The following PRDM11 variants were observed in gnomAD, a reference collection of about 807,000 sequenced individuals.
PRDM11 encodes the protein PR domain-containing protein 11.
In PRDM11, 20 loss-of-function variants were observed where a neutral mutation model predicts 97.8. The ratio of observed to expected loss-of-function variants is 0.20; its 90% CI spans 0.14 to 0.30. PRDM11 has a LOEUF of 0.30. Ranked by LOEUF, PRDM11 falls within the 10% of genes least tolerant of loss-of-function variation. The pLI is 1.00. For synonymous variants in PRDM11, 599 were observed against 637.7 expected (o/e 0.94, Z 0.91); for missense variants, 1,139 against 1,555.2 (o/e 0.73, Z 4.50).
At chr11:45,164,391 G>T (rs953451172) in intron 1 of PRDM11, among the ~76,000 whole-genome samples, 1 of 152,268 alleles carries the variant, frequency 6.6e-6, no homozygotes, top group Non-Finnish European at 1.5e-5. Flanking sequence ...CCCTCCTGGG[G>T]CTGTTGGCTG....
chr11:45,217,200 T>A (rs572127939), intron 5 of PRDM11, among the ~76,000 whole-genome samples: 188 of 152,300 alleles, frequency 1.2e-3, no homozygotes, highest in African/African-American at 4.2e-3. Context: ...TCAGAAGAAA[T>A]CTCAGCTATG....
intron 4 of PRDM11, among the ~76,000 whole-genome samples, chr11:45,194,449 C>CGGG (rs1031638858): frequency 6.6e-6 from 1 of 152,092 alleles, no homozygotes; most frequent in African/African-American, 2.4e-5. Flanking sequence ...CTCCAAACCC[C>CGGG]AGTGGGTCCT....
intron 5 of PRDM11, chr11:45,214,086 C>T (rs906469735): frequency 4.5e-6 from 1 of 223,072 alleles, no homozygotes; most frequent in South Asian, 7.3e-5. Flanking sequence ...TGGAGGGCAA[C>T]CTCTTCCCTG....
chr11:45,206,480 G>C (rs1425969062), intron 5 of PRDM11, among the ~76,000 whole-genome samples: 2 of 152,194 alleles, frequency 1.3e-5, no homozygotes, highest in African/African-American at 4.8e-5. Flanking sequence ...GCAAGCAGGG[G>C]AGACCGTGCG....
At chr11:45,188,140 A>C (rs1414766680) in intron 4 of PRDM11, among the ~76,000 whole-genome samples, 1 of 152,112 alleles carries the variant, frequency 6.6e-6, no homozygotes, top group Non-Finnish European at 1.5e-5. Flanking sequence ...CCCTCAGTAT[A>C]TGCACTCTAC....
At chr11:45,095,855 G>T (rs202172555) in exon 1 of PRDM11, 1 of 780,090 alleles carries the variant, frequency 1.3e-6, no homozygotes, top group Admixed American at 1.7e-5. Flanking sequence ...GTGGAGTGCC[G>T]GGCCTGCCTG....
At chr11:45,192,009 C>T (rs1258718011) in intron 4 of PRDM11, among the ~76,000 whole-genome samples, 2 of 152,030 alleles carry the variant, frequency 1.3e-5, no homozygotes, top group African/African-American at 4.8e-5. Context: ...ACCTCCCACC[C>T]CCGCAACAGG....
intron 1 of PRDM11, among the ~76,000 whole-genome samples, chr11:45,141,086 C>CT (rs1312653829): frequency 1.3e-5 from 2 of 152,228 alleles, no homozygotes; most frequent in African/African-American, 4.8e-5. Context: ...AAGGCAAGCT[C>CT]TACCGCTGGC....
At position 45,161,698 on chromosome 11, in the gene PRDM11, G is replaced by A. The variant is rs1012441743; in HGVS notation, c.-7+14821G>A. On this transcript the variant is annotated intron_variant, in intron 1 of 7. Coordinates refer to ENST00000683152, the MANE Select transcript of PRDM11 (RefSeq NM_001384648.1). ...AGGTCAGGGTTGGCCTCGCAGCCCCGGGGGCAAATTGGTGCAGCTGATGAT... is the reference window on the plus strand; with the variant it reads ...AGGTCAGGGTTGGCCTCGCAGCCCCAGGGGCAAATTGGTGCAGCTGATGAT... 8.5e-5 allele frequency among the ~76,000 whole-genome samples: 13 copies of A among 152,362 alleles called. No individual in the cohort carries two copies. In the East Asian group the frequency reaches 1.9e-3, roughly 23 times the overall value.
rs1375249114 is a variant in PRDM11 at position 45,226,116 on chromosome 11, A to G, written c.1491A>G (p.Ser497=). 4 of 1,533,228 alleles carry G rather than the reference A, an allele frequency of 2.6e-6. No individual in the cohort carries two copies. The highest frequency in any genetic ancestry group is 1.2e-5 in the South Asian group (1 of 83,962). The allele number at this position is 1,533,228 out of a possible 1,614,324, so 95.0% of individuals were successfully genotyped here. A position where few individuals can be genotyped will look rare whatever the true frequency, so the allele number is the denominator to read the frequency against. ...CGACGGATGAGCCCTCCAAGATGTC[A>G]TCGGCCACCGGGCGCCGAATCCGGC... The part of the protein sequence containing the change: ...MTATDEPSKM[S]SATGRRIRRF... The change falls in exon 8 of 8, where the codon TCA becomes TCG. Residue 497 remains serine, a synonymous_variant. Transcript: ENST00000683152.
At chr11:45,197,669 C>T (rs1018501325) in intron 4 of PRDM11, among the ~76,000 whole-genome samples, 18 of 151,988 alleles carry the variant, frequency 1.2e-4, no homozygotes, top group Non-Finnish European at 2.1e-4. Flanking sequence ...CCTCAAAAAG[C>T]GGTCTAAACC....
intron 1 of PRDM11, among the ~76,000 whole-genome samples, chr11:45,124,649 T>G (rs1235099113): frequency 6.6e-6 from 1 of 152,236 alleles, no homozygotes; most frequent in Non-Finnish European, 1.5e-5. Context: ...ATTTATTGAT[T>G]TGCATATGTT....
chr11:45,148,155 C>G (rs754359396), intron 1 of PRDM11, among the ~76,000 whole-genome samples: 1 of 152,108 alleles, frequency 6.6e-6, no homozygotes, highest in African/African-American at 2.4e-5. Context: ...CTATAGGGCA[C>G]GTGTAGAAAC....
At chr11:45,163,376 A>G (rs887100791) in intron 1 of PRDM11, among the ~76,000 whole-genome samples, 1 of 152,232 alleles carries the variant, frequency 6.6e-6, no homozygotes, top group Admixed American at 6.5e-5. Context: ...ACAAGGTCCC[A>G]CAGGCATGGA....
chr11:45,094,700 A>AAGGAAGGG (rs1851861251), upstream of PRDM11, among the ~76,000 whole-genome samples: 2 of 128,664 alleles, frequency 1.6e-5, no homozygotes, highest in Non-Finnish European at 3.3e-5. Context: ...GGAAGGAAGG[A>AAGGAAGGG]AGGGAGGGAG....
At position 45,224,199 on chromosome 11, in the gene PRDM11, C is replaced by A. The variant is rs1282490414; in HGVS notation, c.743-18C>A. On this transcript the variant is annotated intron_variant, in intron 6 of 7. Coordinates refer to ENST00000683152, the MANE Select transcript of PRDM11 (RefSeq NM_001384648.1). ...GGGGGTTTTCCCCATTTCCTTACAC[C>A]CTGGTTTTCCTTCCTAGGAGAGAAG... 4 of 1,547,424 alleles carry A rather than the reference C, an allele frequency of 2.6e-6. No individual in the cohort carries two copies. The highest frequency in any genetic ancestry group is 2.1e-5 in the Admixed American group (1 of 47,274).
rs542319438 is a variant in PRDM11 at position 45,146,756 on chromosome 11, C to G, written c.-128C>G. On this transcript the variant is annotated 5_prime_UTR_variant, in exon 1 of 8. Coordinates refer to ENST00000683152, the MANE Select transcript of PRDM11 (RefSeq NM_001384648.1). ...CTTTGCCTCGCCGGGGACCAGCGCGCCCGCAGCGCGGCCGCTCCCTCCGCG... is the reference window on the plus strand; with the variant it reads ...CTTTGCCTCGCCGGGGACCAGCGCGGCCGCAGCGCGGCCGCTCCCTCCGCG... 1.4e-5 allele frequency: 2 copies of G among 147,916 alleles called. No homozygotes were observed. The highest frequency in any genetic ancestry group is 3.0e-5 in the Non-Finnish European group (2 of 66,444). The allele number at this position is 147,916 out of a possible 1,614,324, so 9.2% of individuals were successfully genotyped here. A position where few individuals can be genotyped will look rare whatever the true frequency, so the allele number is the denominator to read the frequency against.
At chr11:45,100,347 A>C (rs1417325281) in intron 1 of PRDM11, among the ~76,000 whole-genome samples, 1 of 152,202 alleles carries the variant, frequency 6.6e-6, no homozygotes, top group East Asian at 1.9e-4. Context: ...CCCAGGAGAA[A>C]AAAATAGGCA....
chr11:45,136,847 C>G (rs113348590), intron 1 of PRDM11, among the ~76,000 whole-genome samples: 2 of 152,052 alleles, frequency 1.3e-5, no homozygotes, highest in East Asian at 1.9e-4. Context: ...ACTGCTGAAT[C>G]AAAAACAGAT....
Sources: gnomAD v4.1 joint callset for allele counts (sites outside exome capture counted in the v4.1 genomes callset) on GRCh38, gnomAD v4.1.1 for gene constraint, MANE v1.5 for transcripts, NCBI Gene and HGNC (gene_info 2026-07-23, HGNC 2026-07-21) for gene names.